Variants in CAB39 observed in about 807,000 individuals in gnomAD.
The protein encoded by CAB39 is calcium-binding protein 39.
In CAB39, 8 loss-of-function variants were observed where a neutral mutation model predicts 40.0. The observed-to-expected ratio is 0.20, with a 90% CI of 0.12 to 0.36. The LOEUF (loss-of-function observed/expected upper bound fraction) is 0.36, where lower values mean the gene tolerates loss of function less well. Ranked by LOEUF, CAB39 falls within the 10% of genes least tolerant of loss-of-function variation. The pLI is 1.00. For missense variants in CAB39, 270 were observed against 401.1 expected, an observed-to-expected ratio of 0.67 and a Z score of 2.79; for synonymous variants, 156 against 141.6, an observed-to-expected ratio of 1.10 and a Z score of -0.72.
chr2:230,759,682 G>C (rs1175790796), intron 1 of CAB39, among the ~76,000 whole-genome samples: 2 of 152,234 alleles, frequency 1.3e-5, no homozygotes, highest in African/African-American at 4.8e-5. Flanking sequence ...AGCAGCATCA[G>C]TCAGCATGTT....
intron 1 of CAB39, among the ~76,000 whole-genome samples, chr2:230,748,647 A>C (rs992696893): frequency 3.3e-5 from 5 of 151,242 alleles, no homozygotes; most frequent in Non-Finnish European, 7.4e-5. Context: ...CTCTACTAAA[A>C]ATACAAAAAT....
intron 2 of CAB39, chr2:230,779,251 T>G (rs7566851): frequency 0.36 from 54,821 of 152,110 alleles, 13,710 homozygotes; most frequent in African/African-American, 0.71. Context: ...CTGAGAAGCT[T>G]TGCCAAGCCC....
At chr2:230,754,362 CGT>C (rs1695146148) in intron 1 of CAB39, among the ~76,000 whole-genome samples, 3 of 148,058 alleles carry the variant, frequency 2.0e-5, no homozygotes, top group African/African-American at 7.7e-5. Context: ...CCTCTTCTTC[CGT>C]CCCCTTCTGC....
intron 2 of CAB39, among the ~76,000 whole-genome samples, chr2:230,781,044 G>A (rs372395854): frequency 5.9e-5 from 9 of 151,544 alleles, no homozygotes; most frequent in Admixed American, 3.9e-4. Context: ...ATTGCACCAC[G>A]GCATTCCACC....
intron 1 of CAB39, among the ~76,000 whole-genome samples, chr2:230,719,564 G>A (rs1460120069): frequency 3.3e-5 from 5 of 152,162 alleles, no homozygotes; most frequent in African/African-American, 1.2e-4. Context: ...AGTTTAGTTA[G>A]GCCAGTAGAT....
intron 2 of CAB39, among the ~76,000 whole-genome samples, chr2:230,789,972 C>A (rs1354690602): frequency 6.6e-6 from 1 of 152,188 alleles, no homozygotes; most frequent in Non-Finnish European, 1.5e-5. Context: ...CGGTGGCTCA[C>A]ACCTGTAATC....
intron 1 of CAB39, among the ~76,000 whole-genome samples, chr2:230,746,943 G>C (rs1006942159): frequency 6.6e-6 from 1 of 152,152 alleles, no homozygotes; most frequent in Non-Finnish European, 1.5e-5. Context: ...GATTAGTTGG[G>C]AGTGATACAT....
At chr2:230,810,873 A>G (rs758944057) in intron 6 of CAB39, among the ~76,000 whole-genome samples, 3 of 152,230 alleles carry the variant, frequency 2.0e-5, no homozygotes, top group African/African-American at 2.4e-5. Context: ...CACTGAGTCA[A>G]TGTCAGATGT....
At chr2:230,754,171 A>G (rs369658496) in intron 1 of CAB39, among the ~76,000 whole-genome samples, 3 of 152,262 alleles carry the variant, frequency 2.0e-5, no homozygotes, top group African/African-American at 4.8e-5. Context: ...TTTTTTTCCC[A>G]TAGGTTATTG....
chr2:230,758,297 CAAA>C (rs201939916), intron 1 of CAB39, among the ~76,000 whole-genome samples: 2 of 73,422 alleles, frequency 2.7e-5, no homozygotes, highest in Non-Finnish European at 6.4e-5. Context: ...AGCGAGACTC[CAAA>C]AAAAAAAAAA....
chr2:230,772,176 A>G (rs1029322873), intron 2 of CAB39, among the ~76,000 whole-genome samples: 2 of 152,238 alleles, frequency 1.3e-5, no homozygotes, highest in East Asian at 3.8e-4. Flanking sequence ...ATATCTGATA[A>G]AAGACTGCAT....
At chr2:230,720,106 C>T (rs1460998058) in intron 1 of CAB39, among the ~76,000 whole-genome samples, 1 of 152,192 alleles carries the variant, frequency 6.6e-6, no homozygotes, top group Non-Finnish European at 1.5e-5. Flanking sequence ...ATTAACAAGT[C>T]CTCAAGCCTC....
chr2:230,803,930 C>T (rs577240421), intron 5 of CAB39, among the ~76,000 whole-genome samples: 13 of 152,250 alleles, frequency 8.5e-5, no homozygotes, highest in African/African-American at 2.2e-4. Context: ...AAAAAGAGCC[C>T]GCATTGCCAA....
At chr2:230,776,361 A>G (rs1252329389) in intron 2 of CAB39, among the ~76,000 whole-genome samples, 1 of 152,212 alleles carries the variant, frequency 6.6e-6, no homozygotes. Flanking sequence ...AACCTCTCAC[A>G]TAACTATATA....
intron 5 of CAB39, among the ~76,000 whole-genome samples, chr2:230,800,697 G>A (rs1696075028): frequency 6.6e-6 from 1 of 152,176 alleles, no homozygotes; most frequent in African/African-American, 2.4e-5. Context: ...AGAGGATTGA[G>A]CAGCAGTGGT....
chr2:230,810,379 T>G, intron 6 of CAB39, 57 bp downstream of exon 6: 1 of 659,254 alleles, frequency 1.5e-6, no homozygotes, highest in Non-Finnish European at 2.5e-6. Flanking sequence ...TTACCAGAAA[T>G]GAAAGACTTA....
At chr2:230,811,742 A>G (rs1696309992) in intron 6 of CAB39, among the ~76,000 whole-genome samples, 1 of 152,242 alleles carries the variant, frequency 6.6e-6, no homozygotes, top group African/African-American at 2.4e-5. Context: ...CAGTGCCTGG[A>G]ACACAGGAAG....
At chr2:230,722,998 T>C (rs1313651402) in intron 1 of CAB39, among the ~76,000 whole-genome samples, 1 of 152,236 alleles carries the variant, frequency 6.6e-6, no homozygotes, top group Non-Finnish European at 1.5e-5. Flanking sequence ...TTAACTTTCT[T>C]AATTTTCAAT....
At chr2:230,749,810 G>A (rs1321002381) in intron 1 of CAB39, among the ~76,000 whole-genome samples, 6 of 152,260 alleles carry the variant, frequency 3.9e-5, no homozygotes, top group South Asian at 2.1e-4. Flanking sequence ...GGATACACTC[G>A]TAGAAGTGTA....
Sources: gnomAD v4.1 joint callset for allele counts (sites outside exome capture counted in the v4.1 genomes callset) on GRCh38, gnomAD v4.1.1 for gene constraint, MANE v1.5 for transcripts, NCBI Gene and HGNC (gene_info 2026-07-23, HGNC 2026-07-21) for gene names.